CTNND2: variants seen among roughly 807,000 people sequenced by gnomAD.
CTNND2 encodes the protein catenin delta 2, also known as catenin delta-2.
A neutral mutation model predicts 144.4 loss-of-function variants in CTNND2; 22 were observed. The ratio of observed to expected loss-of-function variants is 0.15; its 90% CI spans 0.11 to 0.22. CTNND2 has a LOEUF of 0.22. Among genes scored for constraint, CTNND2 ranks in the 10% least tolerant of loss-of-function variants. CTNND2 has a pLI of 1.00. For missense variants in CTNND2, 1,353 were observed against 1,618.8 expected (o/e 0.84, Z 2.82); for synonymous variants, 751 against 695.6 (o/e 1.08, Z -1.25).
intron 3 of CTNND2, among the ~76,000 whole-genome samples, chr5:11,461,162 GT>G (rs930816940): frequency 2.6e-5 from 4 of 151,008 alleles, no homozygotes; most frequent in Non-Finnish European, 4.4e-5. Context: ...CAGGGACTTT[GT>G]TTTTTTTTAA....
chr5:10,977,658 G>T (rs1736664503), intron 21 of CTNND2, among the ~76,000 whole-genome samples: 1 of 152,102 alleles, frequency 6.6e-6, no homozygotes, highest in Admixed American at 6.5e-5. Flanking sequence ...TTGCTATGTT[G>T]CCCAAGCTGG....
chr5:11,546,937 T>C (rs903150181), intron 3 of CTNND2, among the ~76,000 whole-genome samples: 5 of 152,282 alleles, frequency 3.3e-5, no homozygotes, highest in African/African-American at 9.6e-5. Flanking sequence ...ATTGAATCTA[T>C]GCATCCTAAC....
intron 10 of CTNND2, among the ~76,000 whole-genome samples, chr5:11,226,567 C>T (rs549151210): frequency 6.6e-6 from 1 of 152,358 alleles, no homozygotes; most frequent in African/African-American, 2.4e-5. Flanking sequence ...AAAGGGACAT[C>T]TTACATGGCG....
chr5:11,459,072 T>G (rs1207217649), intron 3 of CTNND2, among the ~76,000 whole-genome samples: 1 of 152,106 alleles, frequency 6.6e-6, no homozygotes, highest in Non-Finnish European at 1.5e-5. Context: ...GCCTGGCCCT[T>G]AAGGACTTCT....
At chr5:11,418,417 CAAAACAAAACAAA>C (rs1340111956) in intron 3 of CTNND2, among the ~76,000 whole-genome samples, 1 of 151,820 alleles carries the variant, frequency 6.6e-6, no homozygotes, top group African/African-American at 2.4e-5. Flanking sequence ...AAAAACAAAA[CAAAACAAAACAAA>C]AAAACAAAAT....
intron 9 of CTNND2, among the ~76,000 whole-genome samples, chr5:11,322,829 T>C (rs1752166087): frequency 2.6e-5 from 4 of 152,202 alleles, no homozygotes; most frequent in South Asian, 4.1e-4. Context: ...AAAGAGATTG[T>C]ATGTATACTT....
intron 9 of CTNND2, among the ~76,000 whole-genome samples, chr5:11,260,938 G>A (rs1042799992): frequency 1.1e-4 from 17 of 152,036 alleles, no homozygotes; most frequent in Admixed American, 4.6e-4. Context: ...TGACATATCC[G>A]TAATTATGAC....
At chr5:11,462,334 C>G (rs1044320627) in intron 3 of CTNND2, among the ~76,000 whole-genome samples, 1 of 152,172 alleles carries the variant, frequency 6.6e-6, no homozygotes, top group Non-Finnish European at 1.5e-5. Flanking sequence ...TAGGCCTGGC[C>G]TGGCTTTCTG....
At chr5:11,572,924 C>T (rs1487257944) in intron 2 of CTNND2, among the ~76,000 whole-genome samples, 4 of 152,172 alleles carry the variant, frequency 2.6e-5, no homozygotes, top group Non-Finnish European at 4.4e-5. Context: ...CACTCAAGTG[C>T]TCTGAAGTAT....
At chr5:11,197,967 G>A (rs1737043357) in intron 11 of CTNND2, among the ~76,000 whole-genome samples, 1 of 152,180 alleles carries the variant, frequency 6.6e-6, no homozygotes, top group South Asian at 2.1e-4. Context: ...CACAGAAGGT[G>A]CTCTGCTGGT....
rs114498333 is a variant in CTNND2, at chr5:11,738,251, T to C, written c.38-5979A>G. On this transcript the variant is annotated intron_variant, in intron 1 of 21. Coordinates refer to ENST00000304623, the MANE Select transcript of CTNND2 (RefSeq NM_001332.4). ...GAAATAAGCCTACAGAATAAAACAG[T>C]ATCTTAAACACATCCATAATACTAC... 6.4e-3 allele frequency among the ~76,000 whole-genome samples: 970 copies of C among 152,278 alleles called. 15 individuals carry two copies. Among genetic ancestry groups the C allele is most frequent in the African/African-American group, 0.019 (769 of 41,554 alleles).
intron 12 of CTNND2, among the ~76,000 whole-genome samples, chr5:11,119,989 A>T (rs1209438549): frequency 6.6e-6 from 1 of 152,224 alleles, no homozygotes; most frequent in Non-Finnish European, 1.5e-5. Context: ...ACCAACCAAT[A>T]GGAAATAATC....
chr5:11,546,792 C>T lies in CTNND2; in HGVS notation c.287+18152G>A, dbSNP rs143193347. The stretch of plus-strand genomic sequence containing the variant: ...CTCAAAATCATAAAGCTGTAATTCT[C>T]CCCCAATTTCTCAGAAGCAGACTAC... On this transcript the variant is annotated intron_variant, in intron 3 of 21. Transcript: ENST00000304623. Among the ~76,000 whole-genome samples, 537 of 152,164 alleles carry T rather than the reference C, an allele frequency of 3.5e-3. 3 individuals carry two copies. Among genetic ancestry groups the T allele is most frequent in the African/African-American group, 0.013 (522 of 41,526 alleles).
intron 2 of CTNND2, among the ~76,000 whole-genome samples, chr5:11,606,855 G>A (rs1049278646): frequency 2.0e-5 from 3 of 152,072 alleles, no homozygotes; most frequent in Non-Finnish European, 4.4e-5. Context: ...CCTTGTTATG[G>A]GTGGAATTGT....
At chr5:11,625,915 C>T (rs891058712) in intron 2 of CTNND2, among the ~76,000 whole-genome samples, 70 of 152,158 alleles carry the variant, frequency 4.6e-4, no homozygotes, top group African/African-American at 1.6e-3. Flanking sequence ...TTAATGCCAT[C>T]GGTGTTTGCT....
intron 15 of CTNND2, among the ~76,000 whole-genome samples, chr5:11,091,741 C>T (rs1750794750): frequency 6.6e-6 from 1 of 152,136 alleles, no homozygotes; most frequent in Admixed American, 6.5e-5. Context: ...CCCCAGTGGC[C>T]CATGGATTAT....
chr5:11,365,015 G>A, intron 7 of CTNND2, 125 bp from the exon 8 acceptor site: 5 of 734,868 alleles, frequency 6.8e-6, no homozygotes, highest in Non-Finnish European at 8.9e-6. Context: ...CAAATGAATA[G>A]CATGAAATGG....
intron 1 of CTNND2, among the ~76,000 whole-genome samples, chr5:11,759,464 A>C (rs1414201138): frequency 6.6e-6 from 1 of 152,144 alleles, no homozygotes; most frequent in Non-Finnish European, 1.5e-5. Flanking sequence ...TCAATTATGC[A>C]AACATGGTAG....
intron 1 of CTNND2, among the ~76,000 whole-genome samples, chr5:11,814,425 T>C (rs1263004877): frequency 6.6e-6 from 1 of 152,260 alleles, no homozygotes; most frequent in Non-Finnish European, 1.5e-5. Context: ...GTATTAACAC[T>C]GTAATAGACT....
Sources: gnomAD v4.1 joint callset for allele counts (sites outside exome capture counted in the v4.1 genomes callset) on GRCh38, gnomAD v4.1.1 for gene constraint, MANE v1.5 for transcripts, NCBI Gene and HGNC (gene_info 2026-07-23, HGNC 2026-07-21) for gene names.